MED16: variants seen among roughly 807,000 people sequenced by gnomAD.
MED16 encodes mediator complex subunit 16.
Under a neutral mutation model 84.4 loss-of-function variants are expected in MED16, and 81 were observed. The observed-to-expected ratio is 0.96, with a 90% CI of 0.80 to 1.15. The LOEUF is 1.15. Among genes scored for constraint, MED16 ranks in the 50% most tolerant of loss-of-function variants. The pLI is 0.00. For missense variants in MED16, 1,585 were observed against 1,245.9 expected (o/e 1.27, Z -4.10); for synonymous variants, 897 against 552.2 (o/e 1.62, Z -8.76).
In MED16 at chr19:873,520, G is replaced by T. The variant is rs1446834742; in HGVS notation, c.1834C>A (p.Gln612Lys). ...EEFVLDMNTLQALQQLLQWVG... is the reference protein window; with the variant it reads ...EEFVLDMNTLKALQQLLQWVG... ...CACTGCAAGAGCTGCTGCAGCGCCT[G>T]CAGTGTGTTCATGTCCAGCACAAAT... Residue 612 changes from glutamine to lysine, a missense_variant, in exon 11 of 16, where the codon CAG becomes AAG. Transcript: ENST00000325464. 1 of 1,612,264 alleles carries T rather than the reference G, an allele frequency of 6.2e-7. No homozygotes were observed. The highest frequency in any genetic ancestry group is 1.1e-5 in the South Asian group (1 of 91,088).
At chr19:876,404 A>ACCACAGGG (rs2036230763) in intron 9 of MED16, among the ~76,000 whole-genome samples, 1 of 151,986 alleles carries the variant, frequency 6.6e-6, no homozygotes, top group Non-Finnish European at 1.5e-5. Flanking sequence ...GAGGCCTCAC[A>ACCACAGGG]CCACAGGGCC....
At chr19:882,697 G>A (rs1290299346) in intron 6 of MED16, among the ~76,000 whole-genome samples, 1 of 152,258 alleles carries the variant, frequency 6.6e-6, no homozygotes, top group Non-Finnish European at 1.5e-5. Flanking sequence ...GGAGAGCGCA[G>A]CTGAGGCAGC....
In MED16 at chr19:871,107, G is replaced by A. The variant is rs752460156; in HGVS notation, c.2245C>T (p.Arg749Cys). ...VSRLQPKQPL[R>C]LQFGRAPTLP... The stretch of plus-strand genomic sequence containing the variant: ...GTGGGCGCCCGGCCAAACTGCAGAC[G>A]AAGGGGCTGCTTGGGCTGCAGGCGG... Residue 749 changes from arginine to cysteine, a missense_variant, in exon 13 of 16, where the codon CGT becomes TGT. Transcript: ENST00000325464. 7.7e-5 allele frequency: 120 copies of A among 1,548,636 alleles called. No homozygotes were observed. In the Middle Eastern group the frequency reaches 1.0e-3, roughly 13 times the overall value.
intron 1 of MED16, chr19:892,868 A>ACCCCGCG (rs2036666081): frequency 7.6e-6 from 1 of 132,106 alleles, no homozygotes; most frequent in East Asian, 2.5e-4. Flanking sequence ...TCCGCCGCAA[A>ACCCCGCG]CCCTGAGCCC....
chr19:876,897 G>GGC (rs2036249523), intron 9 of MED16, 77 bp downstream of exon 9: 1 of 1,352,894 alleles, frequency 7.4e-7, no homozygotes, highest in African/African-American at 1.7e-5. Flanking sequence ...CTGCCACGGG[G>GGC]CCCCACCTGC....
intron 13 of MED16, 120 bp downstream of exon 13, chr19:870,917 G>A (rs540576962): frequency 2.8e-4 from 286 of 1,014,084 alleles, no homozygotes; most frequent in Non-Finnish European, 3.8e-4. Context: ...GGAGCCGTGT[G>A]GATTCGGGGG....
intron 9 of MED16, 132 bp from the exon 10 acceptor site, chr19:875,586 A>AC: frequency 1.5e-6 from 1 of 653,582 alleles, no homozygotes; most frequent in South Asian, 1.9e-5. Flanking sequence ...TCGCCTCTGC[A>AC]CCTCAGCAAC....
At chr19:890,930 C>T (rs750127474) in intron 2 of MED16, 33 bp downstream of exon 2, 3 of 1,603,708 alleles carry the variant, frequency 1.9e-6, no homozygotes, top group East Asian at 2.2e-5. Flanking sequence ...CACCATGCGG[C>T]CGGGAGGGGA....
chr19:889,804 G>C lies in MED16; in HGVS notation c.281C>G (p.Ser94Cys). 1.2e-6 allele frequency: 2 copies of C among 1,609,796 alleles called. No individual in the cohort carries two copies. Among genetic ancestry groups the C allele is most frequent in the Non-Finnish European group, 1.7e-6 (2 of 1,178,722 alleles). ...GTCGGCATCTGCTGACAGGAGCCGG[G>C]AGCCTGAGGGCAAGAAGCCATCATT... ...ITCLEWDQSGSRLLSADADGQ... is the reference protein window; with the variant it reads ...ITCLEWDQSGCRLLSADADGQ... The change falls in exon 4 of 16, where the codon TCC becomes TGC. Residue 94 changes from serine to cysteine, a missense_variant. By Grantham distance (112) the Ser-to-Cys change is moderately radical. Transcript: ENST00000325464.
chr19:888,618 G>T (rs894168312), intron 4 of MED16, among the ~76,000 whole-genome samples: 1 of 152,106 alleles, frequency 6.6e-6, no homozygotes, highest in Non-Finnish European at 1.5e-5. Flanking sequence ...GGACCGTGTG[G>T]GCTGCACACT....
chr19:888,622 G>A (rs2145253065), intron 4 of MED16, among the ~76,000 whole-genome samples: 1 of 152,108 alleles, frequency 6.6e-6, no homozygotes, highest in South Asian at 2.1e-4. Flanking sequence ...CGTGTGGGCT[G>A]CACACTCTCA....
intron 1 of MED16, among the ~76,000 whole-genome samples, chr19:891,506 G>GCAAT (rs373527214): frequency 0.018 from 2,756 of 152,294 alleles, 69 homozygotes; most frequent in African/African-American, 0.062. Flanking sequence ...GATGATGGGG[G>GCAAT]CAGCAAGTGG....
chr19:884,174 C>A lies in MED16; in HGVS notation c.985+729G>T, dbSNP rs576338942. Among the ~76,000 whole-genome samples the A allele has an allele frequency of 2.0e-5, 3 of 152,308 alleles. No homozygotes were observed. The East Asian group carries it at 5.8e-4, about 29-fold the overall frequency. ...GGCAAATGCCTGTGCTCTCATCTAC[C>A]GGGAAAACATCTCCCTTCTCCAGAG... On this transcript the variant is annotated intron_variant, in intron 6 of 15. Transcript: ENST00000325464.
chr19:888,954 G>A (rs375383535), intron 4 of MED16, among the ~76,000 whole-genome samples: 9 of 152,170 alleles, frequency 5.9e-5, no homozygotes, highest in African/African-American at 2.2e-4. Flanking sequence ...ACATCCCCGA[G>A]ACCCTGCCGT....
intron 6 of MED16, among the ~76,000 whole-genome samples, chr19:883,959 G>C (rs902333742): frequency 6.6e-6 from 1 of 152,152 alleles, no homozygotes; most frequent in African/African-American, 2.4e-5. Flanking sequence ...CTGGGGGAAG[G>C]AATGGCAGTG....
intron 8 of MED16, among the ~76,000 whole-genome samples, chr19:879,488 A>G (rs1599331858): frequency 4.5e-5 from 4 of 88,554 alleles, no homozygotes; most frequent in South Asian, 4.1e-4. Context: ...CACCAGCCCC[A>G]GCCCCACGTG....
At chr19:888,669 C>A (rs1207918047) in intron 4 of MED16, among the ~76,000 whole-genome samples, 1 of 152,106 alleles carries the variant, frequency 6.6e-6, no homozygotes, top group East Asian at 1.9e-4. Context: ...TCCATCCCGA[C>A]AAAACTGTTA....
intron 11 of MED16, chr19:872,861 G>A (rs1383602437): frequency 5.6e-6 from 4 of 718,298 alleles, no homozygotes; most frequent in African/African-American, 2.0e-5. Context: ...GGCCTGGGAG[G>A]CGGGGCTTTG....
chr19:872,697 G>A (rs899370822), intron 11 of MED16, among the ~76,000 whole-genome samples: 1 of 151,836 alleles, frequency 6.6e-6, no homozygotes, highest in East Asian at 2.0e-4. Flanking sequence ...GGGCGCACAA[G>A]CCGCAGAACT....
Sources: allele counts gnomAD v4.1 joint callset (sites outside exome capture counted in the v4.1 genomes callset), GRCh38; gene constraint gnomAD v4.1.1; transcripts MANE v1.5; gene names NCBI Gene and HGNC (gene_info 2026-07-23, HGNC 2026-07-21).